Variants in LAMP1 observed in about 807,000 individuals in gnomAD.
LAMP1 encodes the protein lysosome associated membrane protein 1, also known as lysosome-associated membrane glycoprotein 1.
LAMP1 carries 7 observed loss-of-function variants against 37.5 expected under a neutral mutation model. The ratio of observed to expected loss-of-function variants is 0.19; its 90% CI spans 0.11 to 0.35. The LOEUF (loss-of-function observed/expected upper bound fraction) is 0.35. Among genes scored for constraint, LAMP1 ranks in the 10% least tolerant of loss-of-function variants. The probability of loss-of-function intolerance (pLI) is 1.00; values close to 1 mark genes in which losing one functional copy is unlikely to be tolerated. For synonymous variants in LAMP1, 236 were observed against 229.1 expected (o/e 1.03, Z -0.27); for missense variants, 537 against 552.8 (o/e 0.97, Z 0.29).
chr13:113,322,027 G>T, intron 8 of LAMP1: 1 of 582,302 alleles, frequency 1.7e-6, no homozygotes, highest in Middle Eastern at 4.5e-4. Flanking sequence ...GTGCACAGAG[G>T]CCCTGGACGC....
intron 4 of LAMP1, among the ~76,000 whole-genome samples, chr13:113,316,392 G>C (rs57059682): frequency 1.3e-5 from 2 of 150,762 alleles, no homozygotes; most frequent in Admixed American, 1.3e-4. Flanking sequence ...GAAGGTCACC[G>C]TGTCTCATCT....
chr13:113,320,796 G>A lies in LAMP1; in HGVS notation c.876+326G>A. 1 of 364,454 alleles carries A rather than the reference G, an allele frequency of 2.7e-6. No individual in the cohort carries two copies. The highest frequency in any genetic ancestry group is 5.0e-6 in the Non-Finnish European group (1 of 198,704). 22.6% of individuals were successfully genotyped at this position (364,454 alleles called of 1,614,324 possible). ...GGCATTTCTGCCTGGGAGGACTCCT[G>A]TGCAGTTAGCAACATAAGACATGAA... On this transcript the variant is annotated intron_variant, in intron 6 of 8. Transcript: ENST00000332556. This position sits in a 1 kb window ranked among gnomAD's most constrained non-coding sequence, Gnocchi z 4.4.
Position 113,321,757 on chromosome 13 carries a change from G to A in LAMP1, c.1114+30G>A. ...GTGTCACCGAGGGCAGCTGTCGCGG[G>A]GTGTGGAGGACGTGCTTCAGACTCC... On this transcript the variant is annotated intron_variant, in intron 8 of 8. Transcript: ENST00000332556. This position sits in a 1 kb window ranked among gnomAD's most constrained non-coding sequence, Gnocchi z 5.6. 1 of 1,608,858 alleles carries A rather than the reference G, an allele frequency of 6.2e-7. No individual in the cohort carries two copies.
rs2042688827 is a variant in LAMP1, at chr13:113,320,002, C to G, written c.751-343C>G. 6.6e-6 allele frequency among the ~76,000 whole-genome samples: 1 copy of G among 152,162 alleles called. No homozygotes were observed. The highest frequency in any genetic ancestry group is 2.4e-5 in the African/African-American group (1 of 41,440). ...TTAAGTGTTACATTTTTATAGTTTT[C>G]TTTTGAAATAGTTTTTCTCCCCTAG... On this transcript the variant is annotated intron_variant, in intron 5 of 8. Transcript: ENST00000332556. The surrounding 1 kb of genome is among the most constrained non-coding windows in gnomAD (Gnocchi z 4.4).
At chr13:113,312,307 A>C (rs2139367319) in intron 4 of LAMP1, among the ~76,000 whole-genome samples, 1 of 152,358 alleles carries the variant, frequency 6.6e-6, no homozygotes, top group African/African-American at 2.4e-5. Context: ...TGACACATAA[A>C]GATTATGTAA....
In LAMP1 at chr13:113,320,765, C is replaced by T. The variant is rs1008057546; in HGVS notation, c.876+295C>T. On this transcript the variant is annotated intron_variant, in intron 6 of 8. Coordinates refer to ENST00000332556, the MANE Select transcript of LAMP1 (RefSeq NM_005561.4). The surrounding 1 kb of genome is among the most constrained non-coding windows in gnomAD (Gnocchi z 4.4). The stretch of plus-strand genomic sequence containing the variant: ...TTCAGATGCTGCTGCCCTGTGGTTC[C>T]GTGGTGGCATTTCTGCCTGGGAGGA... The T allele has an allele frequency of 4.4e-5, 18 of 405,074 alleles. No individual in the cohort carries two copies. Among genetic ancestry groups the T allele is most frequent in the African/African-American group, 9.9e-5 (5 of 50,604 alleles). 25.1% of individuals were successfully genotyped at this position (405,074 alleles called of 1,614,324 possible).
rs540129448 is a variant in LAMP1 at position 113,320,675 on chromosome 13, G to C, written c.876+205G>C. The C allele has an allele frequency of 5.8e-5, 34 of 586,698 alleles. No individual in the cohort carries two copies. The highest frequency in any genetic ancestry group is 5.4e-4 in the African/African-American group (29 of 53,772). The allele number at this position is 586,698 out of a possible 1,614,324, so 36.3% of individuals were successfully genotyped here. A position where few individuals can be genotyped will look rare whatever the true frequency, so the allele number is the denominator to read the frequency against. ...ATAGATGCAGCAGATGATGTGGGCG[G>C]GGCTGCTGTGCCCACAGTTGGAGTG... On this transcript the variant is annotated intron_variant, in intron 6 of 8. Transcript: ENST00000332556. The surrounding 1 kb of genome is among the most constrained non-coding windows in gnomAD (Gnocchi z 4.4).
Position 113,310,648 on chromosome 13 carries a change from AAC to A in LAMP1, c.404-57_404-56del, listed in dbSNP as rs1285062551. The stretch of plus-strand genomic sequence containing the variant: ...AACTGACATCAGGGCTAAAATAAAA[AAC>A]ACATAAACTAAGTACTGCAAGTAGT... On this transcript the variant is annotated intron_variant, in intron 3 of 8. Coordinates refer to ENST00000332556, the MANE Select transcript of LAMP1 (RefSeq NM_005561.4). 1.2e-5 allele frequency: 15 copies of A among 1,247,820 alleles called. No individual in the cohort carries two copies. In the African/African-American group the frequency reaches 1.8e-4, roughly 15 times the overall value. The allele number at this position is 1,247,820 out of a possible 1,614,324, so 77.3% of individuals were successfully genotyped here. A position where few individuals can be genotyped will look rare whatever the true frequency, so the allele number is the denominator to read the frequency against.
In LAMP1 at chr13:113,313,103, G is replaced by A. The variant is rs552814424; in HGVS notation, c.562+2236G>A. Among the ~76,000 whole-genome samples, 13 of 152,252 alleles carry A rather than the reference G, an allele frequency of 8.5e-5. 1 individual carries two copies. The highest frequency in any genetic ancestry group is 3.4e-3 in the Middle Eastern group (1 of 294). On this transcript the variant is annotated intron_variant, in intron 4 of 8. Transcript: ENST00000332556. ...AGGCCTGGACACGGTTGCAGAACGT[G>A]TCTCCTCCCCATGTCGCTCTGTGAC... is the stretch of plus-strand genomic sequence containing the variant.
At chr13:113,310,944 C>A in intron 4 of LAMP1, 77 bp downstream of exon 4, 1 of 1,240,972 alleles carries the variant, frequency 8.1e-7, no homozygotes, top group Non-Finnish European at 1.2e-6. Context: ...GACCTCACTG[C>A]TCTGTGTCCT....
At chr13:113,319,692 C>T (rs768386237) in intron 5 of LAMP1, 36 bp downstream of exon 5, 1 of 1,584,644 alleles carries the variant, frequency 6.3e-7, no homozygotes, top group Non-Finnish European at 8.6e-7. Context: ...AGGGGGACGG[C>T]ACGGTAGGGC....
At chr13:113,316,451 C>T (rs1410413762) in intron 4 of LAMP1, among the ~76,000 whole-genome samples, 11 of 150,792 alleles carry the variant, frequency 7.3e-5, no homozygotes, top group Non-Finnish European at 1.3e-4. Flanking sequence ...AGGCAGAGTC[C>T]CGCTCTGTCA....
intron 4 of LAMP1, among the ~76,000 whole-genome samples, chr13:113,311,195 C>A (rs1402760447): frequency 1.3e-5 from 2 of 151,902 alleles, no homozygotes; most frequent in Admixed American, 6.6e-5. Flanking sequence ...TCACCAGGGG[C>A]TGGGGTTAAG....
At chr13:113,302,148 C>G (rs550079374) in intron 1 of LAMP1, among the ~76,000 whole-genome samples, 1 of 149,454 alleles carries the variant, frequency 6.7e-6, no homozygotes, top group Admixed American at 6.7e-5. Flanking sequence ...CAGGCGGTAG[C>G]CACCACACCC....
chr13:113,298,954 A>T (rs2139352950), intron 1 of LAMP1, among the ~76,000 whole-genome samples: 1 of 152,362 alleles, frequency 6.6e-6, no homozygotes, highest in South Asian at 2.1e-4. Flanking sequence ...CAGCCTGGCC[A>T]ATATGGCGAA....
chr13:113,319,632 C>G lies in LAMP1; in HGVS notation c.726C>G (p.Leu242=). 1 of 1,613,742 alleles carries G rather than the reference C, an allele frequency of 6.2e-7. No individual in the cohort carries two copies. Among genetic ancestry groups the G allele is most frequent in the South Asian group, 1.1e-5 (1 of 91,054 alleles). ...LLASMGLQLN[L]TYERKDNTTV... Reference sequence around the variant, plus strand: ...CCAGCATGGGGCTGCAGCTGAACCTCACCTATGAGAGGAAGGACAACACGG... The same window carrying G: ...CCAGCATGGGGCTGCAGCTGAACCTGACCTATGAGAGGAAGGACAACACGG... The change falls in exon 5 of 9, where the codon CTC becomes CTG. Residue 242 remains leucine (L), a synonymous_variant. Transcript: ENST00000332556.
chr13:113,314,126 C>A (rs191155182), intron 4 of LAMP1, among the ~76,000 whole-genome samples: 1 of 25,458 alleles, frequency 3.9e-5, no homozygotes, highest in Non-Finnish European at 6.7e-5. Flanking sequence ...CGTGGCCTCC[C>A]GGAGGGAGTC....
chr13:113,301,644 AATATATATATATATATAT>A (rs1178393830), intron 1 of LAMP1, among the ~76,000 whole-genome samples: 12 of 3,872 alleles, frequency 3.1e-3, no homozygotes, highest in African/African-American at 7.8e-3. Flanking sequence ...AAAAAAAAAA[AATATATATATATATATAT>A]ATATATATAT....
In LAMP1 at chr13:113,319,533, G is replaced by T; in HGVS notation, c.627G>T (p.Ser209=). ...CGCCCCCTGCGCCACCCAGCCCCTC[G>T]CCCTCACCCGTGCCCAAGAGCCCCT... ...TTAPPAPPSP[S]PSPVPKSPSV... The change falls in exon 5 of 9, where the codon TCG becomes TCT. Residue 209 remains serine, a synonymous_variant. Coordinates refer to ENST00000332556, the MANE Select transcript of LAMP1 (RefSeq NM_005561.4). 2 of 1,613,834 alleles carry T rather than the reference G, an allele frequency of 1.2e-6. 1 individual carries two copies. The highest frequency in any genetic ancestry group is 2.2e-5 in the South Asian group (2 of 91,070).
Sources: gnomAD v4.1 joint callset for allele counts (sites outside exome capture counted in the v4.1 genomes callset) on GRCh38, gnomAD v4.1.1 for gene constraint, Gnocchi (gnomAD v3.1) non-coding constraint, MANE v1.5 for transcripts, NCBI Gene and HGNC (gene_info 2026-07-23, HGNC 2026-07-21) for gene names.